The following HECW2 variants were observed in gnomAD, a reference collection of about 807,000 sequenced individuals.
The protein encoded by HECW2 is HECT, C2 and WW domain containing E3 ubiquitin protein ligase 2.
A neutral mutation model predicts 175.2 loss-of-function variants in HECW2; 61 were observed. That is an observed-to-expected ratio of 0.35 (90% CI 0.28 to 0.43). The LOEUF is 0.43. HECW2 is among the 20% of genes least tolerant of loss of function. The pLI is 1.00. For missense variants in HECW2, 1,524 were observed against 2,000.5 expected, an observed-to-expected ratio of 0.76 and a Z score of 4.54; for synonymous variants, 671 against 731.0, an observed-to-expected ratio of 0.92 and a Z score of 1.32.
At chr2:196,394,496 T>C (rs550243924) in intron 2 of HECW2, among the ~76,000 whole-genome samples, 1 of 152,298 alleles carries the variant, frequency 6.6e-6, no homozygotes, top group Admixed American at 6.5e-5. Context: ...GGAGCTGGTG[T>C]AATTTTAGTG....
At chr2:196,502,623 TC>T (rs2125404350) in intron 1 of HECW2, among the ~76,000 whole-genome samples, 2 of 152,328 alleles carry the variant, frequency 1.3e-5, no homozygotes, top group South Asian at 4.1e-4. Context: ...TCTGGCTAAT[TC>T]CCTCCCTTCT....
At chr2:196,248,631 C>CAGAG (rs1553636705) in intron 19 of HECW2, among the ~76,000 whole-genome samples, 1 of 148,500 alleles carries the variant, frequency 6.7e-6, no homozygotes, top group East Asian at 2.0e-4. Context: ...CACACACACA[C>CAGAG]AGAGAGAGAC....
At chr2:196,470,307 G>A (rs1379195633) in intron 1 of HECW2, among the ~76,000 whole-genome samples, 1 of 151,738 alleles carries the variant, frequency 6.6e-6, no homozygotes, top group Non-Finnish European at 1.5e-5. Context: ...AAAAAAAAAG[G>A]ATACAATTTT....
At chr2:196,263,750 G>T (rs1258082038) in intron 17 of HECW2, 1 of 152,182 alleles carries the variant, frequency 6.6e-6, no homozygotes, top group Non-Finnish European at 1.5e-5. Flanking sequence ...CATGTGTAGG[G>T]ACAAAGTTTG....
intron 1 of HECW2, among the ~76,000 whole-genome samples, chr2:196,436,108 C>T (rs963225633): frequency 2.8e-4 from 43 of 152,098 alleles, no homozygotes; most frequent in African/African-American, 8.2e-4. Context: ...AGAGCCATTC[C>T]CTGGTCTTCG....
At chr2:196,294,088 T>C (rs1377211905) in intron 13 of HECW2, among the ~76,000 whole-genome samples, 2 of 152,168 alleles carry the variant, frequency 1.3e-5, no homozygotes, top group Non-Finnish European at 2.9e-5. Context: ...AAATGCAAGT[T>C]TAAAAAAACT....
rs113812107 is a variant in HECW2 at position 196,371,611 on chromosome 2, T to C, written c.293-27847A>G. On this transcript the variant is annotated intron_variant, in intron 2 of 28. Coordinates refer to ENST00000644978, the MANE Select transcript of HECW2 (RefSeq NM_001348768.2). ...ATTTGTCAGAGTAATTTTATGTCTA[T>C]TCAATCTAATAATAAAATTTTGGAC... Among the ~76,000 whole-genome samples the C allele has an allele frequency of 6.9e-3, 1,049 of 152,350 alleles. 24 individuals carry two copies. Among genetic ancestry groups the C allele is most frequent in the African/African-American group, 0.024 (1,009 of 41,574 alleles).
chr2:196,338,830 T>C (rs1402083844), intron 3 of HECW2, among the ~76,000 whole-genome samples: 1 of 152,220 alleles, frequency 6.6e-6, no homozygotes, highest in African/African-American at 2.4e-5. Context: ...CTTTCACCAT[T>C]GTCCTATGTG....
At position 196,197,714 on chromosome 2, in the gene HECW2, A is replaced by G. The variant is rs1410061984; in HGVS notation, c.*3563T>C. On this transcript the variant is annotated 3_prime_UTR_variant, in exon 29 of 29. Transcript: ENST00000644978. ...GTCTCCACATTTCTCAAGATGAAAC[A>G]CAGAATTGTGACTATGAAGTAATGA... 1 of 152,230 alleles carries G rather than the reference A, an allele frequency of 6.6e-6. No homozygotes were observed. The highest frequency in any genetic ancestry group is 2.4e-5 in the African/African-American group (1 of 41,450). 9.4% of individuals were successfully genotyped at this position (152,230 alleles called of 1,614,324 possible).
intron 2 of HECW2, among the ~76,000 whole-genome samples, chr2:196,431,754 T>G (rs1456331219): frequency 6.6e-6 from 1 of 152,152 alleles, no homozygotes; most frequent in Admixed American, 6.5e-5. Flanking sequence ...TTAGGGAAAA[T>G]GCTGTGAAGA....
chr2:196,381,509 T>G (rs1453815203), intron 2 of HECW2, among the ~76,000 whole-genome samples: 1 of 152,190 alleles, frequency 6.6e-6, no homozygotes, highest in Non-Finnish European at 1.5e-5. Flanking sequence ...AGCGTCAGGA[T>G]TATAAAGAAG....
chr2:196,396,129 A>G (rs1694655348), intron 2 of HECW2, among the ~76,000 whole-genome samples: 1 of 152,222 alleles, frequency 6.6e-6, no homozygotes, highest in African/African-American at 2.4e-5. Flanking sequence ...AAGGACAAAT[A>G]TTGTATGATT....
rs774667507 is a variant in HECW2, at chr2:196,196,035, C to T, written c.*5242G>A. On this transcript the variant is annotated 3_prime_UTR_variant, in exon 29 of 29. Transcript: ENST00000644978. ...GCAAGCCCTAAGATGATCCATCTAC[C>T]GTTGTTTTAACTTTCCCTCCACTAC... 7 of 152,048 alleles carry T rather than the reference C, an allele frequency of 4.6e-5. No individual in the cohort carries two copies. The highest frequency in any genetic ancestry group is 1.0e-4 in the Non-Finnish European group (7 of 68,048). The allele number at this position is 152,048 out of a possible 1,614,324, so 9.4% of individuals were successfully genotyped here.
At chr2:196,339,135 C>T (rs956817784) in intron 3 of HECW2, among the ~76,000 whole-genome samples, 1 of 152,190 alleles carries the variant, frequency 6.6e-6, no homozygotes, top group Non-Finnish European at 1.5e-5. Flanking sequence ...AGCATTAAAT[C>T]TCCATCCAAG....
At chr2:196,361,560 T>C (rs1248526616) in intron 2 of HECW2, among the ~76,000 whole-genome samples, 2 of 152,178 alleles carry the variant, frequency 1.3e-5, no homozygotes, top group African/African-American at 4.8e-5. Context: ...ACCCTAAAAA[T>C]TCACAATGAG....
At chr2:196,491,365 T>TACAC (rs757194604) in intron 1 of HECW2, among the ~76,000 whole-genome samples, 1,147 of 100,700 alleles carry the variant, frequency 0.011, 9 homozygotes, top group African/African-American at 0.024. Flanking sequence ...AAATCATATA[T>TACAC]ATATACACAC....
In HECW2 at chr2:196,201,174, T is replaced by C. The variant is rs1686844479; in HGVS notation, c.*103A>G. ...TGGAAAACAACAGCACATAGCTTTATCCTAAAGGAAGCATCCTCTTGAAAC... is the reference window on the plus strand; with the variant it reads ...TGGAAAACAACAGCACATAGCTTTACCCTAAAGGAAGCATCCTCTTGAAAC... On this transcript the variant is annotated 3_prime_UTR_variant, in exon 29 of 29. Transcript: ENST00000644978. 3 of 798,294 alleles carry C rather than the reference T, an allele frequency of 3.8e-6. No individual in the cohort carries two copies. The Admixed American group carries it at 5.6e-5, about 15-fold the overall frequency. 49.5% of individuals were successfully genotyped at this position (798,294 alleles called of 1,614,324 possible).
At chr2:196,333,328 G>A (rs1220181014) in intron 4 of HECW2, among the ~76,000 whole-genome samples, 1 of 152,030 alleles carries the variant, frequency 6.6e-6, no homozygotes, top group Non-Finnish European at 1.5e-5. Flanking sequence ...ATGAATATTT[G>A]TTTAAATGAA....
intron 1 of HECW2, among the ~76,000 whole-genome samples, chr2:196,520,749 A>G (rs1025317878): frequency 1.3e-5 from 2 of 152,210 alleles, no homozygotes; most frequent in Non-Finnish European, 2.9e-5. Flanking sequence ...AATGACTATC[A>G]TATATCAACG....
Sources: allele counts gnomAD v4.1 joint callset (sites outside exome capture counted in the v4.1 genomes callset), GRCh38; gene constraint gnomAD v4.1.1; transcripts MANE v1.5; gene names NCBI Gene and HGNC (gene_info 2026-07-23, HGNC 2026-07-21).